PITPNM3: variants seen among roughly 807,000 people sequenced by gnomAD.
PITPNM3 encodes membrane-associated phosphatidylinositol transfer protein 3.
Under a neutral mutation model 102.0 loss-of-function variants are expected in PITPNM3, and 26 were observed. That is an observed-to-expected ratio of 0.25 (90% CI 0.19 to 0.35). The LOEUF is 0.35. Among genes scored for constraint, PITPNM3 ranks in the 10% least tolerant of loss-of-function variants. The probability of loss-of-function intolerance (pLI) is 1.00; values close to 1 mark genes in which losing one functional copy is unlikely to be tolerated. For synonymous variants in PITPNM3, 578 were observed against 558.6 expected, an observed-to-expected ratio of 1.03 and a Z score of -0.49; for missense variants, 1,083 against 1,346.1, an observed-to-expected ratio of 0.80 and a Z score of 3.06.
Position 6,550,413 on chromosome 17 carries a change from A to T in PITPNM3, c.22+5972T>A, listed in dbSNP as rs1013019585. 2.6e-5 allele frequency among the ~76,000 whole-genome samples: 4 copies of T among 152,248 alleles called. No individual in the cohort carries two copies. In the East Asian group the frequency reaches 7.7e-4, roughly 29 times the overall value. ...ATAGGATCTGAGCCAAATGGGTCCCAGCATGCGAACTCCCGATCCTAGGAT... is the reference window on the plus strand; with the variant it reads ...ATAGGATCTGAGCCAAATGGGTCCCTGCATGCGAACTCCCGATCCTAGGAT... On this transcript the variant is annotated intron_variant, in intron 1 of 19. Transcript: ENST00000262483.
intron 4 of PITPNM3, among the ~76,000 whole-genome samples, chr17:6,493,182 C>T (rs759863821): frequency 3.3e-5 from 5 of 152,248 alleles, no homozygotes; most frequent in Non-Finnish European, 5.9e-5. Context: ...GCCACAGTTA[C>T]TTCTCAACCT....
At chr17:6,544,064 G>A (rs1273125368) in intron 1 of PITPNM3, among the ~76,000 whole-genome samples, 1 of 152,248 alleles carries the variant, frequency 6.6e-6, no homozygotes, top group African/African-American at 2.4e-5. Flanking sequence ...AGACCTCCAG[G>A]GAGGAACAGG....
At chr17:6,514,215 T>C (rs1908023076) in intron 3 of PITPNM3, among the ~76,000 whole-genome samples, 1 of 151,844 alleles carries the variant, frequency 6.6e-6, no homozygotes, top group African/African-American at 2.4e-5. Context: ...AATGGTTTCT[T>C]ACATATGGCA....
Position 6,458,468 on chromosome 17 carries a change from A to G in PITPNM3, c.2491-746T>C, listed in dbSNP as rs867870. On this transcript the variant is annotated intron_variant, in intron 18 of 19. Transcript: ENST00000262483. The surrounding 1 kb of genome is among the most constrained non-coding windows in gnomAD (Gnocchi z 5.1). ...ATCACTGGGATGACCCACGGTCTGC[A>G]TGACGTGAAGGATCTACCACCTCCC... Among the ~76,000 whole-genome samples the G allele has an allele frequency of 0.35, 53,207 of 151,968 alleles. 9,714 individuals are homozygous for G. The highest frequency in any genetic ancestry group is 0.6 in the East Asian group (3,103 of 5,148).
rs1300518426 is a variant in PITPNM3 at position 6,497,768 on chromosome 17, T to C, written c.274+5759A>G. ...CACATGTGTCAGGTGGCTGTTGTCA[T>C]CCACACAGGCAGGGTCCAACTTCAA... is the stretch of plus-strand genomic sequence containing the variant. On this transcript the variant is annotated intron_variant, in intron 4 of 19. Coordinates refer to ENST00000262483, the MANE Select transcript of PITPNM3 (RefSeq NM_031220.4). Among the ~76,000 whole-genome samples the C allele has an allele frequency of 5.3e-5, 8 of 152,132 alleles. 1 individual carries two copies. The highest frequency in any genetic ancestry group is 1.0e-4 in the Non-Finnish European group (7 of 68,036).
At chr17:6,499,862 C>T (rs1202644962) in intron 4 of PITPNM3, among the ~76,000 whole-genome samples, 1 of 152,178 alleles carries the variant, frequency 6.6e-6, no homozygotes, top group Non-Finnish European at 1.5e-5. Flanking sequence ...TCCCAAGTAG[C>T]TGGGATTACA....
At chr17:6,552,762 C>CTTT (rs34225911) in intron 1 of PITPNM3, among the ~76,000 whole-genome samples, 44 of 89,012 alleles carry the variant, frequency 4.9e-4, no homozygotes, top group Non-Finnish European at 6.1e-4. Flanking sequence ...CTTTCTTTTT[C>CTTT]TTTTTTTTTT....
chr17:6,540,780 T>C (rs1265942368), intron 1 of PITPNM3, among the ~76,000 whole-genome samples: 3 of 152,172 alleles, frequency 2.0e-5, no homozygotes, highest in Non-Finnish European at 4.4e-5. Context: ...TGCCTCAGCC[T>C]CCCAAGTAGC....
intron 8 of PITPNM3, 97 bp downstream of exon 8, chr17:6,477,878 T>C: frequency 6.3e-7 from 1 of 1,578,898 alleles, no homozygotes; most frequent in African/African-American, 1.3e-5. Flanking sequence ...GACCTGGATG[T>C]CATGGTGCCA....
chr17:6,483,839 ACACACACACT>A (rs1905907124), intron 5 of PITPNM3, 87 bp from the exon 6 acceptor site: 1 of 1,134,122 alleles, frequency 8.8e-7, no homozygotes, highest in Non-Finnish European at 1.3e-6. Flanking sequence ...ATGTGCGCAT[ACACACACACT>A]CACACACACG....
intron 11 of PITPNM3, 131 bp from the exon 12 acceptor site, chr17:6,471,486 C>CTGGGCTGG: frequency 2.2e-6 from 2 of 921,304 alleles, no homozygotes; most frequent in Non-Finnish European, 3.2e-6. Flanking sequence ...CACTTGCCAG[C>CTGGGCTGG]CCAGCAGGCA....
chr17:6,505,871 GGA>G (rs1907477118), intron 3 of PITPNM3, among the ~76,000 whole-genome samples: 1 of 152,168 alleles, frequency 6.6e-6, no homozygotes, highest in Non-Finnish European at 1.5e-5. Context: ...AGACCGGCGG[GGA>G]GAGACGGGGA....
At chr17:6,497,700 C>T (rs1906921441) in intron 4 of PITPNM3, among the ~76,000 whole-genome samples, 1 of 152,222 alleles carries the variant, frequency 6.6e-6, no homozygotes, top group Non-Finnish European at 1.5e-5. Context: ...ATGCCAGGCG[C>T]TGGCTCTGGA....
chr17:6,468,480 G>T lies in PITPNM3; in HGVS notation c.1774-139C>A. The stretch of plus-strand genomic sequence containing the variant: ...CAACCTCACAGCCTGGAACCGTCAG[G>T]AGGCCGCAGACCCCGGGACCTGCAT... On this transcript the variant is annotated intron_variant, in intron 13 of 19. Transcript: ENST00000262483. The surrounding 1 kb of genome is among the most constrained non-coding windows in gnomAD (Gnocchi z 5.2). 1 of 840,848 alleles carries T rather than the reference G, an allele frequency of 1.2e-6. No homozygotes were observed. Among genetic ancestry groups the T allele is most frequent in the South Asian group, 1.4e-5 (1 of 73,094 alleles). 52.1% of individuals were successfully genotyped at this position (840,848 alleles called of 1,614,324 possible).
intron 8 of PITPNM3, 31 bp downstream of exon 8, chr17:6,477,944 C>T (rs1433688204): frequency 1.9e-6 from 3 of 1,608,716 alleles, no homozygotes; most frequent in East Asian, 2.2e-5. Flanking sequence ...TATGGGCATA[C>T]CCCTCCCGCG....
intron 1 of PITPNM3, among the ~76,000 whole-genome samples, chr17:6,543,286 ACT>A (rs1293828196): frequency 6.6e-6 from 1 of 151,942 alleles, no homozygotes; most frequent in African/African-American, 2.4e-5. Flanking sequence ...GCAGCCAAAG[ACT>A]CTGCTCAGAT....
chr17:6,526,837 G>C (rs376994253), intron 2 of PITPNM3, among the ~76,000 whole-genome samples: 1 of 152,224 alleles, frequency 6.6e-6, no homozygotes, highest in African/African-American at 2.4e-5. Flanking sequence ...GCTAGAGCCA[G>C]GATTTAAAAC....
Position 6,478,237 on chromosome 17 carries a change from C to T in PITPNM3, c.778-140G>A. On this transcript the variant is annotated intron_variant, in intron 7 of 19. Coordinates refer to ENST00000262483, the MANE Select transcript of PITPNM3 (RefSeq NM_031220.4). The surrounding 1 kb of genome is among the most constrained non-coding windows in gnomAD (Gnocchi z 4.4). ...GTGTTGAGAGAGCCCAACTGGGAAG[C>T]AGTGTGCAAACTGGGGAGGGTCAGG... The T allele has an allele frequency of 7.0e-7, 1 of 1,425,724 alleles. No individual in the cohort carries two copies. Among genetic ancestry groups the T allele is most frequent in the Non-Finnish European group, 9.5e-7 (1 of 1,052,504 alleles). The allele number at this position is 1,425,724 out of a possible 1,614,324, so 88.3% of individuals were successfully genotyped here. A position where few individuals can be genotyped will look rare whatever the true frequency, so the allele number is the denominator to read the frequency against.
In PITPNM3 at chr17:6,457,304, C is replaced by G. The variant is rs1311651487; in HGVS notation, c.2619+290G>C. On this transcript the variant is annotated intron_variant, in intron 19 of 19. Coordinates refer to ENST00000262483, the MANE Select transcript of PITPNM3 (RefSeq NM_031220.4). The surrounding 1 kb of genome is among the most constrained non-coding windows in gnomAD (Gnocchi z 4.7). ...CTCCAGGGCCCCACAGTTCCCTGTG[C>G]TCCCGTCATACATCATGGCACTTGT... Among the ~76,000 whole-genome samples the G allele has an allele frequency of 6.6e-6, 1 of 152,206 alleles. No homozygotes were observed. Among genetic ancestry groups the G allele is most frequent in the Non-Finnish European group, 1.5e-5 (1 of 68,036 alleles).
Sources: allele counts gnomAD v4.1 joint callset (sites outside exome capture counted in the v4.1 genomes callset), GRCh38; gene constraint gnomAD v4.1.1; non-coding constraint Gnocchi (gnomAD v3.1); transcripts MANE v1.5; gene names NCBI Gene and HGNC (gene_info 2026-07-23, HGNC 2026-07-21).